The following PLEKHA6 variants were observed in gnomAD, a reference collection of about 807,000 sequenced individuals.
PLEKHA6 encodes pleckstrin homology domain containing A6, also known as pleckstrin homology domain-containing family A member 6.
Under a neutral mutation model 116.7 loss-of-function variants are expected in PLEKHA6, and 60 were observed. That is an observed-to-expected ratio of 0.51 (90% CI 0.42 to 0.64). The LOEUF is 0.64. Among genes scored for constraint, PLEKHA6 ranks in the 30% least tolerant of loss-of-function variants. The pLI, the probability that PLEKHA6 is intolerant of heterozygous loss-of-function variation, is 0.00. For synonymous variants in PLEKHA6, 489 were observed against 556.1 expected (o/e 0.88, Z 1.70); for missense variants, 1,338 against 1,422.7 (o/e 0.94, Z 0.96).
chr1:204,255,492 C>T (rs1665152312), intron 9 of PLEKHA6: 4 of 618,858 alleles, frequency 6.5e-6, no homozygotes, highest in East Asian at 2.8e-5. Flanking sequence ...CAAACCAAAA[C>T]ATAAGCCACT....
intron 1 of PLEKHA6, among the ~76,000 whole-genome samples, chr1:204,307,694 C>G (rs1558169355): frequency 6.6e-6 from 1 of 152,246 alleles, no homozygotes; most frequent in African/African-American, 2.4e-5. Context: ...CTCCCTACCC[C>G]GCCTGCTCAT....
At chr1:204,273,134 C>T (rs4951346) in intron 3 of PLEKHA6, among the ~76,000 whole-genome samples, 74,417 of 151,882 alleles carry the variant, frequency 0.49, 18,328 homozygotes, top group Middle Eastern at 0.59. Context: ...TCTCCTGGGG[C>T]TCTCTTCCTT....
chr1:204,241,557 C>T, intron 16 of PLEKHA6, 76 bp from the exon 17 acceptor site: 2 of 1,401,832 alleles, frequency 1.4e-6, no homozygotes, highest in Non-Finnish European at 1.9e-6. Context: ...GAGACAATCT[C>T]AGCCCCACTC....
intron 5 of PLEKHA6, among the ~76,000 whole-genome samples, chr1:204,265,960 G>C (rs556824323): frequency 6.6e-6 from 1 of 152,086 alleles, no homozygotes; most frequent in Non-Finnish European, 1.5e-5. Context: ...GTGGGACAGT[G>C]GGGGGGACAA....
At chr1:204,260,632 A>G (rs988144409) in intron 7 of PLEKHA6, among the ~76,000 whole-genome samples, 3 of 152,192 alleles carry the variant, frequency 2.0e-5, no homozygotes, top group Non-Finnish European at 4.4e-5. Context: ...ATTGCTTGGT[A>G]AACATTTCTA....
At chr1:204,365,268 G>A (rs1673627788) in intron 3 of PLEKHA6, among the ~76,000 whole-genome samples, 1 of 152,174 alleles carries the variant, frequency 6.6e-6, no homozygotes, top group African/African-American at 2.4e-5. Flanking sequence ...TTTTAATGGA[G>A]AATAATATGA....
intron 1 of PLEKHA6, among the ~76,000 whole-genome samples, chr1:204,326,403 C>A (rs1672246114): frequency 6.6e-6 from 1 of 152,160 alleles, no homozygotes; most frequent in East Asian, 1.9e-4. Flanking sequence ...ACAATCGAGA[C>A]CCATATTCAG....
upstream of PLEKHA6, among the ~76,000 whole-genome samples, chr1:204,363,578 A>G (rs928095005): frequency 1.1e-4 from 17 of 152,176 alleles, no homozygotes; most frequent in African/African-American, 1.9e-4. Context: ...AGAACTGGCC[A>G]GTTTCACCGG....
chr1:204,337,521 C>A (rs539343159), intron 1 of PLEKHA6, among the ~76,000 whole-genome samples: 50 of 152,180 alleles, frequency 3.3e-4, no homozygotes, highest in African/African-American at 1.2e-3. Context: ...GTAGTGAAGA[C>A]AACAAGTGAG....
At chr1:204,233,611 G>A in intron 17 of PLEKHA6, among the ~76,000 whole-genome samples, 1 of 151,914 alleles carries the variant, frequency 6.6e-6, no homozygotes, top group South Asian at 2.1e-4. Context: ...AGCCCATCTG[G>A]CTAATTTTTA....
At chr1:204,237,601 T>A (rs955312240) in intron 17 of PLEKHA6, among the ~76,000 whole-genome samples, 1 of 152,232 alleles carries the variant, frequency 6.6e-6, no homozygotes, top group African/African-American at 2.4e-5. Flanking sequence ...CTTAAGCAAA[T>A]TAACACATCT....
At chr1:204,344,197 G>A (rs550407896) in intron 1 of PLEKHA6, among the ~76,000 whole-genome samples, 2 of 152,290 alleles carry the variant, frequency 1.3e-5, no homozygotes, top group African/African-American at 4.8e-5. Context: ...ATGTAAATGA[G>A]CTGTTGCTGC....
intron 17 of PLEKHA6, among the ~76,000 whole-genome samples, chr1:204,237,167 G>A (rs4284302): frequency 0.52 from 78,448 of 151,958 alleles, 20,885 homozygotes; most frequent in African/African-American, 0.66. Context: ...TTTAGCTCAG[G>A]TACAACTTAC....
intron 1 of PLEKHA6, among the ~76,000 whole-genome samples, chr1:204,330,607 T>G (rs1279949022): frequency 6.6e-6 from 1 of 152,176 alleles, no homozygotes; most frequent in Non-Finnish European, 1.5e-5. Flanking sequence ...CTGGAGAACT[T>G]GTAGAGAGAA....
Position 204,307,960 on chromosome 1 carries a change from G to A in PLEKHA6, c.-94-33151C>T, listed in dbSNP as rs1671457055. ...TTTGAGACTATTCCTCCATATTAGG[G>A]AATATTCTCCTAAGGATCCGATTCT... On this transcript the variant is annotated intron_variant, in intron 1 of 22. Transcript: ENST00000272203. 5 of 881,640 alleles carry A rather than the reference G, an allele frequency of 5.7e-6. No individual in the cohort carries two copies. The Admixed American group carries it at 3.1e-4, about 55-fold the overall frequency. The allele number at this position is 881,640 out of a possible 1,614,324, so 54.6% of individuals were successfully genotyped here. A position where few individuals can be genotyped will look rare whatever the true frequency, so the allele number is the denominator to read the frequency against.
chr1:204,230,440 G>C lies in PLEKHA6; in HGVS notation c.2556C>G (p.Asp852Glu). The C allele has an allele frequency of 1.3e-6, 2 of 1,585,642 alleles. No homozygotes were observed. Among genetic ancestry groups the C allele is most frequent in the Non-Finnish European group, 1.7e-6 (2 of 1,166,484 alleles). Residue 852 changes from aspartate (D) to glutamate (E), a missense_variant, in exon 18 of 23, where the codon GAC (aspartate) becomes GAG (glutamate). Asp to Glu is a conservative substitution (Grantham distance 45, BLOSUM62 2). Transcript: ENST00000272203. ...SLQLPASPAP[D>E]PSPRPAYKVV... Reference sequence around the variant, plus strand: ...CTTTGTAGGCTGGCCGGGGACTGGGGTCGGGGGCCGGGCTGGCCGGGAGCT... The same window carrying C: ...CTTTGTAGGCTGGCCGGGGACTGGGCTCGGGGGCCGGGCTGGCCGGGAGCT...
rs148442755 is a variant in PLEKHA6, at chr1:204,257,789, T to C, written c.1088A>G (p.Gln363Arg). 3.1e-6 allele frequency: 5 copies of C among 1,614,010 alleles called. No individual in the cohort carries two copies. The South Asian group carries it at 3.3e-5, about 11-fold the overall frequency. ...CGGCCGCACTCCTGGCGGGTAGTACTGATAATCATCGGGGTACTGGGAGGA... is the reference window on the plus strand; with the variant it reads ...CGGCCGCACTCCTGGCGGGTAGTACCGATAATCATCGGGGTACTGGGAGGA... ...PYSSQYPDDY[Q>R]YYPPGVRPES... is the part of the protein sequence containing the mutation. The change falls in exon 9 of 23, where the codon CAG (glutamine) becomes CGG (arginine). Residue 363 changes from glutamine (Q) to arginine (R), a missense_variant. Coordinates refer to ENST00000272203, the MANE Select transcript of PLEKHA6 (RefSeq NM_014935.5). This position sits in a 1 kb window ranked among gnomAD's most constrained non-coding sequence, Gnocchi z 6.5.
chr1:204,264,298 C>A (rs1666510033), intron 6 of PLEKHA6, among the ~76,000 whole-genome samples: 1 of 152,294 alleles, frequency 6.6e-6, no homozygotes, highest in African/African-American at 2.4e-5. Context: ...GAGCCAGCTG[C>A]AGGCACATCT....
intron 1 of PLEKHA6, among the ~76,000 whole-genome samples, chr1:204,318,017 CAT>C (rs1416157249): frequency 6.6e-6 from 1 of 152,212 alleles, no homozygotes; most frequent in Admixed American, 6.5e-5. Flanking sequence ...CTTATACACA[CAT>C]GAGTGCATGT....
Sources: allele counts gnomAD v4.1 joint callset (sites outside exome capture counted in the v4.1 genomes callset), GRCh38; gene constraint gnomAD v4.1.1; non-coding constraint Gnocchi (gnomAD v3.1); transcripts MANE v1.5; gene names NCBI Gene and HGNC (gene_info 2026-07-23, HGNC 2026-07-21).